Variants in CNTN4 observed in about 807,000 individuals in gnomAD.
CNTN4 encodes the protein contactin 4, also known as contactin-4.
In CNTN4, 77 loss-of-function variants were observed where a neutral mutation model predicts 122.5. The observed-to-expected ratio is 0.63, with a 90% CI of 0.52 to 0.76. The LOEUF is 0.76. Ranked by LOEUF, CNTN4 falls within the 30% of genes least tolerant of loss-of-function variation. The pLI, the probability that CNTN4 is intolerant of heterozygous loss-of-function variation, is 0.00. For synonymous variants in CNTN4, 512 were observed against 447.0 expected, an observed-to-expected ratio of 1.15 and a Z score of -1.83; for missense variants, 1,256 against 1,259.1, an observed-to-expected ratio of 1.00 and a Z score of 0.04.
chr3:2,245,551 A>G (rs2040112175), intron 2 of CNTN4, among the ~76,000 whole-genome samples: 1 of 152,056 alleles, frequency 6.6e-6, no homozygotes, highest in African/African-American at 2.4e-5. Flanking sequence ...AAACTGTTGC[A>G]ACTATTCTTC....
intron 2 of CNTN4, among the ~76,000 whole-genome samples, chr3:2,240,114 T>G (rs2149603383): frequency 6.6e-6 from 1 of 152,270 alleles, no homozygotes; most frequent in Admixed American, 6.5e-5. Context: ...AATGCTAATC[T>G]TAGTTCCTTT....
intron 4 of CNTN4, among the ~76,000 whole-genome samples, chr3:2,654,261 G>A (rs1283657477): frequency 6.6e-6 from 1 of 152,180 alleles, no homozygotes; most frequent in Non-Finnish European, 1.5e-5. Flanking sequence ...TCCATGGCCA[G>A]CCTCTTTGTT....
chr3:2,962,489 A>C (rs2094871651), intron 13 of CNTN4, among the ~76,000 whole-genome samples: 1 of 152,244 alleles, frequency 6.6e-6, no homozygotes, highest in South Asian at 2.1e-4. Context: ...TGAGGGACTT[A>C]GAAAACCCCT....
chr3:2,625,774 T>G (rs1164071435), intron 4 of CNTN4, among the ~76,000 whole-genome samples: 3 of 152,230 alleles, frequency 2.0e-5, no homozygotes, highest in Non-Finnish European at 4.4e-5. Flanking sequence ...CATTAATTTC[T>G]GCTATGAATA....
At chr3:2,628,645 C>T (rs948897081) in intron 4 of CNTN4, among the ~76,000 whole-genome samples, 9 of 152,102 alleles carry the variant, frequency 5.9e-5, no homozygotes, top group Non-Finnish European at 1.2e-4. Flanking sequence ...ACAAAGCTCT[C>T]TATTCTCTCA....
At chr3:2,144,952 T>G (rs2035175382) in intron 2 of CNTN4, among the ~76,000 whole-genome samples, 2 of 152,146 alleles carry the variant, frequency 1.3e-5, no homozygotes, top group Admixed American at 1.3e-4. Context: ...CAATAAGGGT[T>G]TTGTACCATG....
chr3:2,878,112 C>G (rs1056265660), intron 8 of CNTN4, among the ~76,000 whole-genome samples: 2 of 152,158 alleles, frequency 1.3e-5, no homozygotes, highest in Non-Finnish European at 2.9e-5. Context: ...TCTGATCCTT[C>G]TCTTTATGTA....
intron 13 of CNTN4, among the ~76,000 whole-genome samples, chr3:2,960,793 T>A (rs2094844949): frequency 6.6e-6 from 1 of 152,170 alleles, no homozygotes; most frequent in South Asian, 2.1e-4. Context: ...CTTCCCACTT[T>A]CACTCTTGAC....
At chr3:2,124,641 G>T (rs1339521916) in intron 2 of CNTN4, among the ~76,000 whole-genome samples, 1 of 152,034 alleles carries the variant, frequency 6.6e-6, no homozygotes, top group Non-Finnish European at 1.5e-5. Flanking sequence ...GGGCATGGTG[G>T]TGCATGACTG....
Position 2,795,671 on chromosome 3 carries a change from A to C in CNTN4, c.359-23815A>C, listed in dbSNP as rs73109104. On this transcript the variant is annotated intron_variant, in intron 6 of 24. Transcript: ENST00000418658. ...GAGTAGCTGGGACCACAGGCGCCCAAGACCACGCTCAGCTAATTTTTTGTA... is the reference window on the plus strand; with the variant it reads ...GAGTAGCTGGGACCACAGGCGCCCACGACCACGCTCAGCTAATTTTTTGTA... 6.9e-3 allele frequency among the ~76,000 whole-genome samples: 1,042 copies of C among 152,010 alleles called. 18 individuals are homozygous for C. Among genetic ancestry groups the C allele is most frequent in the African/African-American group, 0.022 (923 of 41,478 alleles).
rs187734937 is a variant in CNTN4, at chr3:2,570,311, C to T, written c.-88-1105C>T. Among the ~76,000 whole-genome samples the T allele has an allele frequency of 6.6e-5, 10 of 151,934 alleles. No homozygotes were observed. In the East Asian group the frequency reaches 1.9e-3, roughly 30 times the overall value. ...GTCTTAGCCTCCTGAGTAGCAGGGACTATAGGCGTGCACCACCATGCCAGG... is the reference window on the plus strand; with the variant it reads ...GTCTTAGCCTCCTGAGTAGCAGGGATTATAGGCGTGCACCACCATGCCAGG... On this transcript the variant is annotated intron_variant, in intron 3 of 24. Coordinates refer to ENST00000418658, the MANE Select transcript of CNTN4 (RefSeq NM_175607.3).
intron 3 of CNTN4, among the ~76,000 whole-genome samples, chr3:2,503,024 A>G (rs921470621): frequency 7.9e-5 from 12 of 152,170 alleles, no homozygotes; most frequent in Non-Finnish European, 2.9e-5. Flanking sequence ...TCATTAAGCT[A>G]GGTGATAGGT....
In CNTN4 at chr3:2,204,933, T is replaced by C. The variant is rs1575077005; in HGVS notation, c.-145+104294T>C. ...CAGTACAGAATCCTATGAAATCTAA[T>C]GCTTACTTTGAAACATATTTATTTA... is the stretch of plus-strand genomic sequence containing the variant. On this transcript the variant is annotated intron_variant, in intron 2 of 24. Coordinates refer to ENST00000418658, the MANE Select transcript of CNTN4 (RefSeq NM_175607.3). 5.3e-5 allele frequency among the ~76,000 whole-genome samples: 8 copies of C among 152,286 alleles called. No individual in the cohort carries two copies. The South Asian group carries it at 1.7e-3, about 32-fold the overall frequency.
rs17011788 is a variant in CNTN4, at chr3:2,285,224, C to A, written c.-144-53954C>A. Among the ~76,000 whole-genome samples the A allele has an allele frequency of 8.1e-3, 1,227 of 152,098 alleles. 18 individuals are homozygous for A. Among genetic ancestry groups the A allele is most frequent in the African/African-American group, 0.028 (1,162 of 41,542 alleles). ...AGATAAAGTACTACAAGATGAGTAA[C>A]AAATACATCCTTAAAAGCCCATTTA... is the stretch of plus-strand genomic sequence containing the variant. On this transcript the variant is annotated intron_variant, in intron 2 of 24. Transcript: ENST00000418658.
intron 14 of CNTN4, among the ~76,000 whole-genome samples, chr3:3,001,303 G>T (rs975662111): frequency 2.0e-5 from 3 of 152,200 alleles, no homozygotes; most frequent in Non-Finnish European, 4.4e-5. Flanking sequence ...CGCAATAGGT[G>T]TACATCCTTC....
intron 2 of CNTN4, among the ~76,000 whole-genome samples, chr3:2,255,305 AAG>A (rs1292552319): frequency 6.6e-6 from 1 of 151,928 alleles, no homozygotes; most frequent in Non-Finnish European, 1.5e-5. Flanking sequence ...GAGACCTACA[AAG>A]AGACTTAGAC....
intron 9 of CNTN4, among the ~76,000 whole-genome samples, chr3:2,885,909 C>T (rs2093970193): frequency 6.6e-6 from 1 of 152,180 alleles, no homozygotes; most frequent in Admixed American, 6.5e-5. Flanking sequence ...GGAAGCCTTA[C>T]GTACGGCTTC....
intron 14 of CNTN4, among the ~76,000 whole-genome samples, chr3:2,998,841 A>G (rs1436633850): frequency 6.6e-6 from 1 of 152,190 alleles, no homozygotes; most frequent in African/African-American, 2.4e-5. Context: ...AATAAAACAG[A>G]TTTCATGAAC....
chr3:2,753,649 A>G (rs1217137824), intron 6 of CNTN4, among the ~76,000 whole-genome samples: 1 of 152,152 alleles, frequency 6.6e-6, no homozygotes, highest in African/African-American at 2.4e-5. Context: ...GAAAAACTAC[A>G]CTTTACCAGT....
Sources: allele counts gnomAD v4.1 joint callset (sites outside exome capture counted in the v4.1 genomes callset), GRCh38; gene constraint gnomAD v4.1.1; transcripts MANE v1.5; gene names NCBI Gene and HGNC (gene_info 2026-07-23, HGNC 2026-07-21).